DGKH: variants seen among roughly 807,000 people sequenced by gnomAD.
DGKH encodes the protein DAG kinase eta.
A neutral mutation model predicts 159.3 loss-of-function variants in DGKH; 90 were observed. The ratio of observed to expected loss-of-function variants is 0.57; its 90% CI spans 0.48 to 0.67. The LOEUF is 0.67. DGKH is among the 30% of genes least tolerant of loss of function. DGKH has a pLI of 0.00. For missense variants in DGKH, 1,181 were observed against 1,506.1 expected (o/e 0.78, Z 3.57); for synonymous variants, 536 against 553.8 (o/e 0.97, Z 0.45).
At chr13:42,141,962 T>C (rs1176949085) in intron 3 of DGKH, among the ~76,000 whole-genome samples, 2 of 151,626 alleles carry the variant, frequency 1.3e-5, no homozygotes, top group Non-Finnish European at 2.9e-5. Flanking sequence ...AGACATGAAG[T>C]CCTTGCCCAT....
chr13:42,070,124 T>C (rs1882857229), intron 1 of DGKH: 3 of 955,992 alleles, frequency 3.1e-6, no homozygotes, highest in Non-Finnish European at 5.2e-6. Flanking sequence ...GGCTTATCCA[T>C]TGGAAAAGAA....
At chr13:42,050,438 C>A (rs1881190738) in intron 1 of DGKH, among the ~76,000 whole-genome samples, 1 of 152,154 alleles carries the variant, frequency 6.6e-6, no homozygotes, top group South Asian at 2.1e-4. Context: ...CACACAAGAA[C>A]AACTGTTGAC....
At chr13:42,043,376 C>G (rs1282610913) in intron 1 of DGKH, among the ~76,000 whole-genome samples, 1 of 151,852 alleles carries the variant, frequency 6.6e-6, no homozygotes, top group Non-Finnish European at 1.5e-5. Flanking sequence ...TTTTTTGAGA[C>G]AGGGGCTTGC....
rs200206347 is a variant in DGKH at position 42,190,391 on chromosome 13, T to G, written c.1913-12T>G. Reference sequence around the variant, plus strand: ...CACTTATCCAAACTATTTGTCTTCTTACTACCTGAAGTTATGGATGACCCG... The same window carrying G: ...CACTTATCCAAACTATTTGTCTTCTGACTACCTGAAGTTATGGATGACCCG... On this transcript the variant is annotated splice_polypyrimidine_tract_variant and intron_variant, in intron 15 of 29. Transcript: ENST00000337343. The G allele has an allele frequency of 8.8e-5, 141 of 1,603,202 alleles. No individual in the cohort carries two copies. The highest frequency in any genetic ancestry group is 1.1e-4 in the Non-Finnish European group (131 of 1,176,662).
At chr13:42,049,029 C>T (rs1254391083) in intron 1 of DGKH, 64 bp downstream of exon 1, 2 of 1,042,886 alleles carry the variant, frequency 1.9e-6, no homozygotes, top group African/African-American at 1.9e-5. Context: ...GGCGCGGGGG[C>T]GCTGGAACGC....
At chr13:42,042,528 T>C (rs1235569919) in intron 1 of DGKH, among the ~76,000 whole-genome samples, 1 of 152,248 alleles carries the variant, frequency 6.6e-6, no homozygotes, top group East Asian at 1.9e-4. Flanking sequence ...TTATTCAGAC[T>C]GCAGAGCCAT....
chr13:42,092,733 T>C (rs1292895273), intron 1 of DGKH, among the ~76,000 whole-genome samples: 2 of 152,168 alleles, frequency 1.3e-5, no homozygotes, highest in South Asian at 4.1e-4. Context: ...TCAAGAACTT[T>C]AGAAAAAAAT....
chr13:42,250,254 CCCCCA>C (rs1417357979), intron 29 of DGKH, among the ~76,000 whole-genome samples: 28 of 151,986 alleles, frequency 1.8e-4, no homozygotes, highest in African/African-American at 6.8e-4. Flanking sequence ...TAGGCATGAG[CCCCCA>C]CGACCGGCCA....
chr13:42,144,354 G>GC (rs1203900244), intron 3 of DGKH, among the ~76,000 whole-genome samples: 1 of 152,056 alleles, frequency 6.6e-6, no homozygotes, highest in Non-Finnish European at 1.5e-5. Flanking sequence ...ACCCTAAGAG[G>GC]CCCCCAGTGA....
At chr13:42,042,131 C>T (rs1411604038) in intron 1 of DGKH, among the ~76,000 whole-genome samples, 2 of 152,340 alleles carry the variant, frequency 1.3e-5, no homozygotes, top group Middle Eastern at 3.4e-3. Context: ...CGTCAGGTTG[C>T]CCATCTGCTC....
intron 3 of DGKH, chr13:42,138,250 C>A: frequency 3.2e-6 from 1 of 311,414 alleles, no homozygotes; most frequent in Non-Finnish European, 4.7e-6. Flanking sequence ...TTAGAGACTG[C>A]TGGGCACTAT....
At chr13:42,095,225 C>T (rs376886459) in intron 1 of DGKH, among the ~76,000 whole-genome samples, 5 of 126,342 alleles carry the variant, frequency 4.0e-5, no homozygotes, top group African/African-American at 9.4e-5. Flanking sequence ...TGCAGTGGTG[C>T]GATCTTGGCT....
chr13:42,158,427 G>A (rs1594113510), intron 5 of DGKH, among the ~76,000 whole-genome samples: 1 of 152,158 alleles, frequency 6.6e-6, no homozygotes, highest in East Asian at 1.9e-4. Context: ...TTTCCTTAGA[G>A]AGATAAACAT....
rs1236341709 is a variant in DGKH, at chr13:42,155,401, A to G, written c.489+6A>G. 6 of 1,606,728 alleles carry G rather than the reference A, an allele frequency of 3.7e-6. No homozygotes were observed. The highest frequency in any genetic ancestry group is 1.1e-5 in the South Asian group (1 of 89,574). Reference sequence around the variant, plus strand: ...AGACCAGAGAACCCTACGAGGTAAAATAGCATCTTTTCTTTCATCTCGTGT... The same window carrying G: ...AGACCAGAGAACCCTACGAGGTAAAGTAGCATCTTTTCTTTCATCTCGTGT... On this transcript the variant is annotated splice_donor_region_variant and intron_variant, in intron 4 of 29. Coordinates refer to ENST00000337343, the MANE Select transcript of DGKH (RefSeq NM_178009.5).
chr13:42,217,648 T>G (rs1957834851), intron 26 of DGKH, among the ~76,000 whole-genome samples: 1 of 152,188 alleles, frequency 6.6e-6, no homozygotes, highest in African/African-American at 2.4e-5. Flanking sequence ...TCTCTGAACT[T>G]TTAGTTCTAA....
intron 12 of DGKH, among the ~76,000 whole-genome samples, chr13:42,176,576 A>G (rs1220066065): frequency 6.6e-6 from 1 of 152,018 alleles, no homozygotes; most frequent in Non-Finnish European, 1.5e-5. Context: ...CTTTTGAAAG[A>G]GTAACATAAC....
chr13:42,125,961 G>A (rs1955162272), intron 1 of DGKH, among the ~76,000 whole-genome samples: 1 of 151,826 alleles, frequency 6.6e-6, no homozygotes, highest in Non-Finnish European at 1.5e-5. Flanking sequence ...TGTCTTGGAG[G>A]CTCACTATAG....
At position 42,151,950 on chromosome 13, in the gene DGKH, A is replaced by G. The variant is rs141130454; in HGVS notation, c.385-3341A>G. Among the ~76,000 whole-genome samples, 1,094 of 152,200 alleles carry G rather than the reference A, an allele frequency of 7.2e-3. 13 individuals are homozygous for G. The highest frequency in any genetic ancestry group is 0.017 in the Middle Eastern group (5 of 294). On this transcript the variant is annotated intron_variant, in intron 3 of 29. Transcript: ENST00000337343. The stretch of plus-strand genomic sequence containing the variant: ...ATTCCCTTTGCTCCACATTCTTGCT[A>G]ATACCTGTTGTTTTTTGACTTTTTA...
intron 17 of DGKH, 129 bp from the exon 18 acceptor site, chr13:42,198,349 G>T: frequency 1.5e-6 from 1 of 663,558 alleles, no homozygotes; most frequent in East Asian, 2.7e-5. Context: ...GAGAAGAGTA[G>T]GCACTGAAAT....
Sources: gnomAD v4.1 joint callset for allele counts (sites outside exome capture counted in the v4.1 genomes callset) on GRCh38, gnomAD v4.1.1 for gene constraint, MANE v1.5 for transcripts, NCBI Gene and HGNC (gene_info 2026-07-23, HGNC 2026-07-21) for gene names.